Variants in DAB1 observed in about 807,000 individuals in gnomAD.
DAB1 encodes DAB adaptor protein 1, also known as disabled homolog 1.
DAB1 carries 15 observed loss-of-function variants against 64.6 expected under a neutral mutation model. That is an observed-to-expected ratio of 0.23 (90% CI 0.16 to 0.36). The LOEUF (loss-of-function observed/expected upper bound fraction) is 0.36, where lower values mean the gene tolerates loss of function less well. Among genes scored for constraint, DAB1 ranks in the 10% least tolerant of loss-of-function variants. DAB1 has a pLI of 1.00. For synonymous variants in DAB1, 235 were observed against 251.9 expected, an observed-to-expected ratio of 0.93 and a Z score of 0.64; for missense variants, 596 against 706.7, an observed-to-expected ratio of 0.84 and a Z score of 1.78.
intron 5 of DAB1, among the ~76,000 whole-genome samples, chr1:58,026,593 AGAAGACTCCT>A (rs1396579781): frequency 5.3e-5 from 8 of 152,330 alleles, no homozygotes; most frequent in African/African-American, 1.9e-4. Flanking sequence ...TCCTAGAAAT[AGAAGACTCCT>A]GATTTATGGG....
At chr1:58,093,697 G>GAA (rs746501755) in intron 5 of DAB1, among the ~76,000 whole-genome samples, 9 of 129,658 alleles carry the variant, frequency 6.9e-5, no homozygotes, top group African/African-American at 2.0e-4. Flanking sequence ...GTTCAAAAGG[G>GAA]AAAAAAAAAA....
chr1:58,362,841 A>G (rs1006112927), intron 3 of DAB1, among the ~76,000 whole-genome samples: 2 of 152,256 alleles, frequency 1.3e-5, no homozygotes, highest in African/African-American at 2.4e-5. Context: ...GAAAAGGCAG[A>G]ACTACAATGT....
chr1:57,706,588 T>A (rs921943054), intron 6 of DAB1, among the ~76,000 whole-genome samples: 18 of 152,128 alleles, frequency 1.2e-4, no homozygotes, highest in African/African-American at 4.3e-4. Context: ...GTGCTGCAAT[T>A]ACAGGTGTAA....
chr1:58,084,718 T>C (rs1243557257), intron 5 of DAB1, among the ~76,000 whole-genome samples: 2 of 151,816 alleles, frequency 1.3e-5, no homozygotes, highest in Non-Finnish European at 2.9e-5. Context: ...CCTCAGTTCC[T>C]CCCTGTGTAA....
At chr1:58,449,580 C>T (rs1052243570) in intron 3 of DAB1, among the ~76,000 whole-genome samples, 2 of 152,216 alleles carry the variant, frequency 1.3e-5, no homozygotes, top group Admixed American at 6.5e-5. Flanking sequence ...AGTCATACCC[C>T]TGTCCTGAAA....
At chr1:57,113,878 A>T (rs1281567116) in intron 4 of DAB1, among the ~76,000 whole-genome samples, 3 of 152,212 alleles carry the variant, frequency 2.0e-5, no homozygotes, top group Non-Finnish European at 4.4e-5. Flanking sequence ...CTTTCTCGTA[A>T]ATACTCATAA....
rs1646894327 is a variant in DAB1 at position 57,700,495 on chromosome 1, A to G, written n.552-50830T>C. Among the ~76,000 whole-genome samples, 3 of 152,084 alleles carry G rather than the reference A, an allele frequency of 2.0e-5. No individual in the cohort carries two copies. In the South Asian group the frequency reaches 6.2e-4, roughly 32 times the overall value. On this transcript the variant is annotated intron_variant and non_coding_transcript_variant, in intron 6 of 20. Coordinates refer to the DAB1 transcript ENST00000485760. The stretch of plus-strand genomic sequence containing the variant: ...ACCTGCTGTGGATATTTGTCTAAGC[A>G]CTTTCAAAATGTCACCCCACTCACT...
chr1:58,253,563 G>T (rs12129358), intron 4 of DAB1, among the ~76,000 whole-genome samples: 1 of 152,228 alleles, frequency 6.6e-6, no homozygotes, highest in Non-Finnish European at 1.5e-5. Flanking sequence ...GCCTCAAATA[G>T]TTGGGCTGCC....
At chr1:57,662,322 T>C (rs1290875208) in intron 6 of DAB1, among the ~76,000 whole-genome samples, 3 of 152,122 alleles carry the variant, frequency 2.0e-5, no homozygotes, top group African/African-American at 4.8e-5. Flanking sequence ...CAGCCTTCCT[T>C]TGTAGCTGGA....
intron 3 of DAB1, among the ~76,000 whole-genome samples, chr1:58,356,938 T>C (rs775095977): frequency 6.6e-6 from 1 of 150,420 alleles, no homozygotes; most frequent in Non-Finnish European, 1.5e-5. Flanking sequence ...GGTGGGAGGA[T>C]TGCTTTGTGC....
chr1:57,518,822 C>G (rs1644492688), intron 7 of DAB1, among the ~76,000 whole-genome samples: 1 of 152,316 alleles, frequency 6.6e-6, no homozygotes, highest in East Asian at 1.9e-4. Context: ...CCTGCCTGCT[C>G]TTTCCAGAAA....
At chr1:58,295,297 A>C (rs944817828) in intron 4 of DAB1, among the ~76,000 whole-genome samples, 2 of 152,194 alleles carry the variant, frequency 1.3e-5, no homozygotes, top group Admixed American at 1.3e-4. Context: ...TGCCTTTGTC[A>C]TAATTTCTCA....
chr1:58,112,510 C>G (rs556650850), intron 5 of DAB1, among the ~76,000 whole-genome samples: 3 of 152,182 alleles, frequency 2.0e-5, no homozygotes, highest in African/African-American at 7.2e-5. Context: ...AGACTATTTT[C>G]TCTCCAGTAA....
intron 3 of DAB1, among the ~76,000 whole-genome samples, chr1:58,432,037 G>A (rs1001106055): frequency 5.3e-5 from 8 of 152,142 alleles, no homozygotes; most frequent in Admixed American, 2.0e-4. Flanking sequence ...AATGTGGAAG[G>A]GCCTGGACTC....
At chr1:57,342,814 G>A (rs1488250300) in intron 1 of DAB1, among the ~76,000 whole-genome samples, 1 of 149,698 alleles carries the variant, frequency 6.7e-6, no homozygotes, top group Non-Finnish European at 1.5e-5. Context: ...GGCGTGTCTG[G>A]AGTTGTTGGT....
At chr1:57,581,743 G>A (rs144346826) in intron 7 of DAB1, among the ~76,000 whole-genome samples, 38 of 148,746 alleles carry the variant, frequency 2.6e-4, no homozygotes, top group South Asian at 1.5e-3. Context: ...TATTATATGT[G>A]TTAGATTAAT....
intron 4 of DAB1, among the ~76,000 whole-genome samples, chr1:58,214,320 A>G (rs993215426): frequency 2.5e-4 from 38 of 152,268 alleles, no homozygotes; most frequent in Non-Finnish European, 4.6e-4. Flanking sequence ...TTGTGTGCTC[A>G]CATATTACCC....
intron 5 of DAB1, 120 bp from the exon 6 acceptor site, chr1:57,071,761 C>T: frequency 1.1e-6 from 1 of 947,112 alleles, no homozygotes; most frequent in Non-Finnish European, 1.6e-6. Flanking sequence ...GAAAGCATTC[C>T]ATTCTTAATT....
chr1:58,473,046 T>C (rs1360283563), intron 3 of DAB1, among the ~76,000 whole-genome samples: 1 of 152,146 alleles, frequency 6.6e-6, no homozygotes, highest in Admixed American at 6.5e-5. Context: ...GAAAACAAAG[T>C]AATTTAAACG....
Sources: allele counts gnomAD v4.1 joint callset (sites outside exome capture counted in the v4.1 genomes callset), GRCh38; gene constraint gnomAD v4.1.1; transcripts MANE v1.5; gene names NCBI Gene and HGNC (gene_info 2026-07-23, HGNC 2026-07-21).